MYO3B: variants seen among roughly 807,000 people sequenced by gnomAD.
MYO3B encodes the protein myosin IIIB.
Under a neutral mutation model 174.6 loss-of-function variants are expected in MYO3B, and 156 were observed. That is an observed-to-expected ratio of 0.89 (90% CI 0.78 to 1.02). The LOEUF is 1.02. Ranked by LOEUF, MYO3B falls within the 50% of genes least tolerant of loss-of-function variation. The probability of loss-of-function intolerance (pLI) is 0.00; values close to 1 mark genes in which losing one functional copy is unlikely to be tolerated. For synonymous variants in MYO3B, 563 were observed against 569.1 expected (o/e 0.99, Z 0.15); for missense variants, 1,632 against 1,639.4 (o/e 1.00, Z 0.08).
At chr2:170,630,218 C>G (rs966083865) in intron 32 of MYO3B, among the ~76,000 whole-genome samples, 2 of 152,198 alleles carry the variant, frequency 1.3e-5, no homozygotes, top group Non-Finnish European at 2.9e-5. Flanking sequence ...TGGCACTTTT[C>G]TGAAGGTCTT....
intron 30 of MYO3B, among the ~76,000 whole-genome samples, chr2:170,534,779 T>G (rs1460073738): frequency 6.6e-6 from 1 of 152,264 alleles, no homozygotes; most frequent in African/African-American, 2.4e-5. Flanking sequence ...CTAGTTCAAG[T>G]GTTTTAGAAC....
intron 32 of MYO3B, among the ~76,000 whole-genome samples, chr2:170,611,801 A>G (rs1415050532): frequency 1.3e-5 from 2 of 152,188 alleles, no homozygotes; most frequent in African/African-American, 4.8e-5. Context: ...CTAGAGCTTC[A>G]GTGAGGAGTT....
chr2:170,539,813 G>A (rs1689968441), intron 30 of MYO3B, among the ~76,000 whole-genome samples: 1 of 151,582 alleles, frequency 6.6e-6, no homozygotes, highest in Non-Finnish European at 1.5e-5. Flanking sequence ...ATAGAGACAG[G>A]GTTTCACCAT....
At chr2:170,474,611 C>T (rs185883334) in intron 25 of MYO3B, among the ~76,000 whole-genome samples, 6 of 151,110 alleles carry the variant, frequency 4.0e-5, no homozygotes, top group East Asian at 3.9e-4. Context: ...GGCGTGGTGG[C>T]GCATGCCTGT....
intron 5 of MYO3B, 115 bp from the exon 6 acceptor site, chr2:170,217,204 C>A: frequency 1.2e-6 from 1 of 832,802 alleles, no homozygotes; most frequent in South Asian, 1.4e-5. Flanking sequence ...TGACAGAGAC[C>A]ATATGGCCCA....
chr2:170,281,749 AC>A (rs2093512697), intron 7 of MYO3B, among the ~76,000 whole-genome samples: 1 of 152,276 alleles, frequency 6.6e-6, no homozygotes, highest in South Asian at 2.1e-4. Context: ...ATTGAGACAC[AC>A]AAAAAAAGCA....
intron 1 of MYO3B, among the ~76,000 whole-genome samples, chr2:170,193,485 T>C (rs1574554066): frequency 6.6e-6 from 1 of 152,258 alleles, no homozygotes; most frequent in South Asian, 2.1e-4. Flanking sequence ...GTTTTTTCTA[T>C]GTTTTGACCT....
chr2:170,404,235 A>G lies in MYO3B; in HGVS notation c.2278-12A>G. The G allele has an allele frequency of 6.3e-7, 1 of 1,591,272 alleles. No homozygotes were observed. Among genetic ancestry groups the G allele is most frequent in the Non-Finnish European group, 8.6e-7 (1 of 1,168,966 alleles). Reference sequence around the variant, plus strand: ...TTTGGGCTGGAGAGAATCACAATCCATTTCCCTCCAGATGGAATATCAGAA... The same window carrying G: ...TTTGGGCTGGAGAGAATCACAATCCGTTTCCCTCCAGATGGAATATCAGAA... On this transcript the variant is annotated splice_polypyrimidine_tract_variant and intron_variant, in intron 19 of 34. Coordinates refer to ENST00000408978, the MANE Select transcript of MYO3B (RefSeq NM_138995.5).
At chr2:170,221,421 A>G (rs1423750013) in intron 6 of MYO3B, among the ~76,000 whole-genome samples, 2 of 152,146 alleles carry the variant, frequency 1.3e-5, no homozygotes, top group African/African-American at 4.8e-5. Context: ...TATTCTACAA[A>G]CCGGGTAGCT....
chr2:170,304,357 T>C (rs1274189737), intron 7 of MYO3B, among the ~76,000 whole-genome samples: 2 of 152,140 alleles, frequency 1.3e-5, no homozygotes, highest in Non-Finnish European at 2.9e-5. Flanking sequence ...TTTCATTATT[T>C]TGATTATTGG....
chr2:170,619,253 G>A (rs1301508586), intron 32 of MYO3B, among the ~76,000 whole-genome samples: 1 of 151,928 alleles, frequency 6.6e-6, no homozygotes, highest in Non-Finnish European at 1.5e-5. Flanking sequence ...TAGGAATCTT[G>A]GTGATGTGAA....
intron 7 of MYO3B, among the ~76,000 whole-genome samples, chr2:170,298,401 G>T (rs57093241): frequency 6.6e-6 from 1 of 152,210 alleles, no homozygotes; most frequent in East Asian, 1.9e-4. Flanking sequence ...TTCAGGCTGG[G>T]TGCAGTGGCT....
intron 6 of MYO3B, among the ~76,000 whole-genome samples, chr2:170,217,893 AG>A (rs2092848679): frequency 6.6e-6 from 1 of 152,168 alleles, no homozygotes; most frequent in South Asian, 2.1e-4. Context: ...TTCCTAATTT[AG>A]GTTTGGCATC....
intron 29 of MYO3B, among the ~76,000 whole-genome samples, chr2:170,518,657 A>G (rs931920035): frequency 8.5e-5 from 13 of 152,208 alleles, no homozygotes; most frequent in Non-Finnish European, 1.6e-4. Context: ...AACATGGATC[A>G]AGGTCACCTG....
intron 22 of MYO3B, among the ~76,000 whole-genome samples, chr2:170,412,916 T>C (rs2094554979): frequency 1.3e-5 from 2 of 152,196 alleles, no homozygotes; most frequent in South Asian, 4.1e-4. Context: ...CCCACTTCTT[T>C]CTATTTAATT....
At chr2:170,495,799 A>T (rs528231814) in intron 25 of MYO3B, among the ~76,000 whole-genome samples, 3 of 152,254 alleles carry the variant, frequency 2.0e-5, no homozygotes, top group Admixed American at 2.0e-4. Context: ...TCCTAAAAGT[A>T]TAGGAAATCC....
intron 7 of MYO3B, among the ~76,000 whole-genome samples, chr2:170,294,823 G>A (rs2093618730): frequency 6.6e-6 from 1 of 152,114 alleles, no homozygotes; most frequent in African/African-American, 2.4e-5. Flanking sequence ...TGTAGGTTCA[G>A]TTGTACCACT....
intron 7 of MYO3B, among the ~76,000 whole-genome samples, chr2:170,294,900 G>A (rs1226362019): frequency 6.6e-6 from 1 of 152,012 alleles, no homozygotes; most frequent in Non-Finnish European, 1.5e-5. Flanking sequence ...ATGAGAAATT[G>A]CTGTACCTTC....
At chr2:170,544,271 T>G (rs1690324274) in intron 32 of MYO3B, among the ~76,000 whole-genome samples, 1 of 152,222 alleles carries the variant, frequency 6.6e-6, no homozygotes, top group Non-Finnish European at 1.5e-5. Flanking sequence ...AAAGGGAAGA[T>G]AAACAGCTGA....
Sources: allele counts gnomAD v4.1 joint callset (sites outside exome capture counted in the v4.1 genomes callset), GRCh38; gene constraint gnomAD v4.1.1; transcripts MANE v1.5; gene names NCBI Gene and HGNC (gene_info 2026-07-23, HGNC 2026-07-21).